Variants in TENM3 observed in about 807,000 individuals in gnomAD.
TENM3 encodes the protein teneurin transmembrane protein 3.
Under a neutral mutation model 255.1 loss-of-function variants are expected in TENM3, and 63 were observed. The observed-to-expected ratio is 0.25, with a 90% CI of 0.20 to 0.30. TENM3 has a LOEUF of 0.30. Ranked by LOEUF, TENM3 falls within the 10% of genes least tolerant of loss-of-function variation. TENM3 has a pLI of 1.00. For synonymous variants in TENM3, 1,306 were observed against 1,322.3 expected (o/e 0.99, Z 0.27); for missense variants, 2,929 against 3,461.1 (o/e 0.85, Z 3.86).
the TENM3 span, among the ~76,000 whole-genome samples, chr4:181,551,727 G>C: frequency 6.6e-6 from 1 of 151,720 alleles, no homozygotes; most frequent in Admixed American, 6.6e-5. Flanking sequence ...AGGTTCAACA[G>C]TAAATGTCTA....
chr4:182,075,293 G>A, the TENM3 span, among the ~76,000 whole-genome samples: 3 of 148,322 alleles, frequency 2.0e-5, no homozygotes, highest in African/African-American at 5.0e-5. Flanking sequence ...CTGCCTCCTG[G>A]GTTCAAGTGA....
intron 3 of TENM3, among the ~76,000 whole-genome samples, chr4:182,591,205 G>A (rs1350419862): frequency 2.0e-5 from 3 of 152,040 alleles, no homozygotes; most frequent in African/African-American, 7.2e-5. Context: ...CTAGGTTGCC[G>A]CATTGTCTGA....
intron 3 of TENM3, among the ~76,000 whole-genome samples, chr4:182,456,733 C>T (rs189169932): frequency 6.6e-5 from 10 of 152,206 alleles, no homozygotes; most frequent in East Asian, 3.9e-4. Flanking sequence ...GTACACCTTC[C>T]GTGATTGTGT....
rs56138377 is a variant in TENM3, at chr4:182,774,577, G to C, written c.5069-341G>C. Among the ~76,000 whole-genome samples the C allele has an allele frequency of 0.21, 32,417 of 152,130 alleles. 6,127 individuals are homozygous for C. The highest frequency in any genetic ancestry group is 0.5 in the African/African-American group (20,735 of 41,428). Reference sequence around the variant, plus strand: ...AAGACCTTGGAGGTGTGTACACCGCGCTCCTGAGAGATCACATATGTGCCT... The same window carrying C: ...AAGACCTTGGAGGTGTGTACACCGCCCTCCTGAGAGATCACATATGTGCCT... On this transcript the variant is annotated intron_variant, in intron 23 of 27. Transcript: ENST00000511685.
rs1467528839 is a variant in TENM3 at position 182,675,197 on chromosome 4, T to TAGATTTGACTCCA, written c.1326+1979_1326+1991dup. Among the ~76,000 whole-genome samples the TAGATTTGACTCCA allele has an allele frequency of 2.6e-5, 4 of 152,246 alleles. No homozygotes were observed. In the East Asian group the frequency reaches 5.8e-4, roughly 22 times the overall value. On this transcript the variant is annotated intron_variant, in intron 7 of 27. Coordinates refer to ENST00000511685, the MANE Select transcript of TENM3 (RefSeq NM_001080477.4). ...AGCCAGTCTAGACCATTTTAAAGTT[T>TAGATTTGACTCCA]AGATTTGACTCCAGTTCATCTTATA...
the TENM3 span, among the ~76,000 whole-genome samples, chr4:181,594,700 C>A: frequency 8.6e-4 from 131 of 152,154 alleles, no homozygotes; most frequent in Admixed American, 2.6e-3. Context: ...TTCTTCAGTG[C>A]CAATCTATCT....
At chr4:181,823,809 G>A in the TENM3 span, among the ~76,000 whole-genome samples, 10 of 152,028 alleles carry the variant, frequency 6.6e-5, no homozygotes, top group Non-Finnish European at 1.5e-4. Context: ...TGTAATCGTC[G>A]CTGCCTTTCT....
At chr4:181,882,503 A>G in the TENM3 span, among the ~76,000 whole-genome samples, 1 of 152,182 alleles carries the variant, frequency 6.6e-6, no homozygotes, top group South Asian at 2.1e-4. Flanking sequence ...GAGGGTGAAG[A>G]CTGATATACA....
the TENM3 span, among the ~76,000 whole-genome samples, chr4:182,003,159 A>G: frequency 1.3e-5 from 2 of 152,146 alleles, no homozygotes; most frequent in African/African-American, 4.8e-5. Flanking sequence ...GGTATTCTTG[A>G]TGACTAAGTA....
chr4:181,552,872 A>G, the TENM3 span, among the ~76,000 whole-genome samples: 1 of 152,206 alleles, frequency 6.6e-6, no homozygotes, highest in Admixed American at 6.5e-5. Context: ...GAAGTTTGCT[A>G]ATTCATTTGA....
At chr4:181,692,199 C>T in the TENM3 span, among the ~76,000 whole-genome samples, 3 of 152,198 alleles carry the variant, frequency 2.0e-5, no homozygotes, top group Non-Finnish European at 2.9e-5. Flanking sequence ...TAAGATATCA[C>T]ATTTATAATC....
the TENM3 span, among the ~76,000 whole-genome samples, chr4:181,901,004 T>C: frequency 6.6e-6 from 1 of 152,186 alleles, no homozygotes; most frequent in Non-Finnish European, 1.5e-5. Context: ...TTCTTTCAGA[T>C]TGGAGCCCAA....
rs1761743040 is a variant in TENM3, at chr4:182,743,317, T to G, written c.3527T>G (p.Val1176Gly). 6.2e-7 allele frequency: 1 copy of G among 1,614,020 alleles called. No individual in the cohort carries two copies. The highest frequency in any genetic ancestry group is 2.2e-5 in the East Asian group (1 of 44,880). The change falls in exon 19 of 28, where the codon GTG becomes GGG. Residue 1176 changes from valine to glycine, a missense_variant. This residue lies in a region of TENM3 where 1,608 missense variants were observed against 1,884.4 expected (regional missense o/e 0.85). Coordinates refer to ENST00000511685, the MANE Select transcript of TENM3 (RefSeq NM_001080477.4). Reference protein sequence around the residue: ...QADGNKLLAPVALACGIDGSL... With the variant: ...QADGNKLLAPGALACGIDGSL... ...GATGGTAACAAGTTACTGGCCCCAG[T>G]GGCGCTAGCTTGTGGGATCGATGGC...
intron 3 of TENM3, among the ~76,000 whole-genome samples, chr4:182,365,747 A>T (rs1766394109): frequency 6.6e-6 from 1 of 152,176 alleles, no homozygotes; most frequent in African/African-American, 2.4e-5. Flanking sequence ...GTGCCACTTA[A>T]CTCATACGTT....
chr4:181,570,655 A>AAAGCAAGCAAGCAAGC, the TENM3 span, among the ~76,000 whole-genome samples: 43 of 150,236 alleles, frequency 2.9e-4, no homozygotes, highest in African/African-American at 8.6e-4. Context: ...AGAAAGAAGG[A>AAAGCAAGCAAGCAAGC]AAGCAAGCAA....
the TENM3 span, among the ~76,000 whole-genome samples, chr4:181,781,889 G>A: frequency 6.6e-6 from 1 of 152,090 alleles, no homozygotes; most frequent in Admixed American, 6.6e-5. Context: ...TGTGGTTTTT[G>A]TCTTTGGTTC....
In TENM3 at chr4:182,324,187, G is replaced by A. The variant is rs1191515875; in HGVS notation, c.167G>A (p.Arg56Gln). The change falls in exon 2 of 28, where the codon CGG becomes CAG. Residue 56 changes from arginine to glutamine, a missense_variant. Physicochemically the swap from Arg to Gln is conservative, Grantham distance 43. Transcript: ENST00000511685. Reference protein sequence around the residue: ...TLKAFDHDSSRLLYGNRVKDL... With the variant: ...TLKAFDHDSSQLLYGNRVKDL... ...AAAGCTTTTGATCATGATTCCTCGC[G>A]GCTGCTTTACGGCAACAGAGTGAAG... 1.2e-6 allele frequency: 2 copies of A among 1,613,960 alleles called. No homozygotes were observed. Among genetic ancestry groups the A allele is most frequent in the Non-Finnish European group, 1.7e-6 (2 of 1,179,896 alleles).
chr4:182,473,411 T>C (rs554781003), intron 3 of TENM3, among the ~76,000 whole-genome samples: 83 of 152,318 alleles, frequency 5.4e-4, no homozygotes, highest in Non-Finnish European at 6.5e-4. Context: ...CCGTGGCTCA[T>C]GCCTGTAATC....
the TENM3 span, among the ~76,000 whole-genome samples, chr4:181,882,081 G>A: frequency 2.6e-5 from 4 of 152,156 alleles, no homozygotes; most frequent in Admixed American, 2.6e-4. Flanking sequence ...CAAGGTTTTA[G>A]TAAAAAGAAC....
Sources: gnomAD v4.1 joint callset for allele counts (sites outside exome capture counted in the v4.1 genomes callset) on GRCh38, gnomAD v4.1.1 for gene constraint, gnomAD v4.1.1 regional missense constraint, MANE v1.5 for transcripts, NCBI Gene and HGNC (gene_info 2026-07-23, HGNC 2026-07-21) for gene names.